Variants in GALNT13 observed in about 807,000 individuals in gnomAD.
GALNT13 encodes polypeptide N-acetylgalactosaminyltransferase 13.
In GALNT13, 28 loss-of-function variants were observed where a neutral mutation model predicts 64.2. The ratio of observed to expected loss-of-function variants is 0.44; its 90% CI spans 0.32 to 0.60. GALNT13 has a LOEUF of 0.60. Ranked by LOEUF, GALNT13 falls within the 20% of genes least tolerant of loss-of-function variation. The pLI, the probability that GALNT13 is intolerant of heterozygous loss-of-function variation, is 0.05. For synonymous variants in GALNT13, 214 were observed against 224.6 expected (o/e 0.95, Z 0.42); for missense variants, 577 against 669.8 (o/e 0.86, Z 1.53).
the GALNT13 span, among the ~76,000 whole-genome samples, chr2:153,630,302 G>A: frequency 4.6e-5 from 7 of 152,012 alleles, 1 homozygote; most frequent in South Asian, 6.2e-4. Flanking sequence ...TATACACCAC[G>A]GAATACTATG....
the GALNT13 span, among the ~76,000 whole-genome samples, chr2:153,799,821 C>T: frequency 6.6e-6 from 1 of 152,062 alleles, no homozygotes; most frequent in Non-Finnish European, 1.5e-5. Flanking sequence ...TACCATAGGG[C>T]CCGGTCATTC....
chr2:154,018,709 T>G (rs1697206389), intron 3 of GALNT13, among the ~76,000 whole-genome samples: 4 of 139,646 alleles, frequency 2.9e-5, no homozygotes, highest in Admixed American at 7.2e-5. Context: ...GTGGAACGGG[T>G]GAGGGGATGA....
chr2:153,875,372 A>G (rs1246605046), intron 1 of GALNT13, among the ~76,000 whole-genome samples: 2 of 152,204 alleles, frequency 1.3e-5, no homozygotes. Flanking sequence ...TTTTATATTT[A>G]AAAATAGCAA....
chr2:153,669,034 C>A, the GALNT13 span, among the ~76,000 whole-genome samples: 1 of 152,110 alleles, frequency 6.6e-6, no homozygotes, highest in African/African-American at 2.4e-5. Context: ...TCCCAAGGAC[C>A]CAGCTTGGCC....
chr2:154,314,240 A>G (rs2105140152), intron 9 of GALNT13, among the ~76,000 whole-genome samples: 1 of 152,322 alleles, frequency 6.6e-6, no homozygotes, highest in South Asian at 2.1e-4. Flanking sequence ...GCTTAAAATT[A>G]TATGAGTAAT....
chr2:154,059,890 G>T (rs148102828), intron 3 of GALNT13, among the ~76,000 whole-genome samples: 1 of 152,130 alleles, frequency 6.6e-6, no homozygotes, highest in Non-Finnish European at 1.5e-5. Flanking sequence ...AGAGAAGTCA[G>T]CAAGGGATGG....
At chr2:153,749,062 A>G in the GALNT13 span, among the ~76,000 whole-genome samples, 30 of 151,908 alleles carry the variant, frequency 2.0e-4, no homozygotes, top group Admixed American at 2.0e-3. Context: ...TCCAGTTTTT[A>G]TAGCATTATT....
At chr2:153,399,351 G>T in the GALNT13 span, among the ~76,000 whole-genome samples, 1 of 152,218 alleles carries the variant, frequency 6.6e-6, no homozygotes, top group Non-Finnish European at 1.5e-5. Flanking sequence ...TTGAAGTCAG[G>T]TAGTGTGATA....
At chr2:153,793,701 T>A in the GALNT13 span, among the ~76,000 whole-genome samples, 1 of 151,838 alleles carries the variant, frequency 6.6e-6, no homozygotes, top group African/African-American at 2.4e-5. Flanking sequence ...TTACATGTTA[T>A]GTATCAAAGG....
At chr2:153,714,230 C>G in the GALNT13 span, among the ~76,000 whole-genome samples, 7 of 152,106 alleles carry the variant, frequency 4.6e-5, no homozygotes, top group African/African-American at 1.7e-4. Flanking sequence ...TTATCATTAC[C>G]ATAATCATCA....
At chr2:153,144,126 T>G in the GALNT13 span, among the ~76,000 whole-genome samples, 1 of 151,986 alleles carries the variant, frequency 6.6e-6, no homozygotes, top group Admixed American at 6.6e-5. Context: ...TTTTCTCCAT[T>G]TTTAGAAAGC....
At chr2:154,234,174 A>G (rs1299156425) in intron 4 of GALNT13, among the ~76,000 whole-genome samples, 1 of 152,190 alleles carries the variant, frequency 6.6e-6, no homozygotes, top group Non-Finnish European at 1.5e-5. Flanking sequence ...ACAGAAATTA[A>G]AGATAAAATA....
the GALNT13 span, among the ~76,000 whole-genome samples, chr2:153,637,623 GTTA>G: frequency 6.6e-6 from 1 of 152,074 alleles, no homozygotes; most frequent in African/African-American, 2.4e-5. Flanking sequence ...TTAGATGCAT[GTTA>G]TCAATGAGTA....
intron 3 of GALNT13, among the ~76,000 whole-genome samples, chr2:154,004,553 G>A (rs1021961030): frequency 6.6e-6 from 1 of 152,108 alleles, no homozygotes; most frequent in Non-Finnish European, 1.5e-5. Context: ...GACAGAACAT[G>A]GAACTTAAAA....
At chr2:154,413,721 A>C (rs1271833791) in intron 11 of GALNT13, among the ~76,000 whole-genome samples, 2 of 152,016 alleles carry the variant, frequency 1.3e-5, no homozygotes, top group Non-Finnish European at 2.9e-5. Context: ...TCCACTAAAA[A>C]ACTTAAGACA....
At chr2:153,880,429 A>C (rs943941585) in intron 1 of GALNT13, among the ~76,000 whole-genome samples, 2 of 152,142 alleles carry the variant, frequency 1.3e-5, no homozygotes, top group South Asian at 4.1e-4. Flanking sequence ...AATTATTTGA[A>C]TTCTAAACCC....
chr2:154,320,370 A>G (rs1694558030), intron 9 of GALNT13, among the ~76,000 whole-genome samples: 1 of 152,170 alleles, frequency 6.6e-6, no homozygotes, highest in Non-Finnish European at 1.5e-5. Context: ...ATGCTTTCCC[A>G]TGTTTAGAGT....
At chr2:153,650,113 T>G in the GALNT13 span, among the ~76,000 whole-genome samples, 15 of 152,066 alleles carry the variant, frequency 9.9e-5, no homozygotes, top group African/African-American at 2.9e-4. Context: ...CTCTTTGTAG[T>G]TCTCTAAGGA....
At position 154,450,857 on chromosome 2, in the gene GALNT13, G is replaced by A; in HGVS notation, c.*306G>A. 1 of 208,678 alleles carries A rather than the reference G, an allele frequency of 4.8e-6. No homozygotes were observed. Among genetic ancestry groups the A allele is most frequent in the Non-Finnish European group, 9.6e-6 (1 of 104,460 alleles). 12.9% of individuals were successfully genotyped at this position (208,678 alleles called of 1,614,324 possible). A position where few individuals can be genotyped will look rare whatever the true frequency, so the allele number is the denominator to read the frequency against. On this transcript the variant is annotated 3_prime_UTR_variant, in exon 13 of 13. Transcript: ENST00000392825. ...CACTCATGTCATAGGGTTAATTGGA[G>A]GTTATTTTATTTTTGGTTGTCATGG...
Sources: gnomAD v4.1 joint callset for allele counts (sites outside exome capture counted in the v4.1 genomes callset) on GRCh38, gnomAD v4.1.1 for gene constraint, MANE v1.5 for transcripts, NCBI Gene and HGNC (gene_info 2026-07-23, HGNC 2026-07-21) for gene names.